EVA1C: variants seen among roughly 807,000 people sequenced by gnomAD.
The protein encoded by EVA1C is eva-1 homolog C.
In EVA1C, 25 loss-of-function variants were observed where a neutral mutation model predicts 45.4. That is an observed-to-expected ratio of 0.55 (90% CI 0.40 to 0.77). The LOEUF (loss-of-function observed/expected upper bound fraction) is 0.77. Ranked by LOEUF, EVA1C falls within the 30% of genes least tolerant of loss-of-function variation. The pLI, the probability that EVA1C is intolerant of heterozygous loss-of-function variation, is 0.00. For missense variants in EVA1C, 479 were observed against 554.8 expected, an observed-to-expected ratio of 0.86 and a Z score of 1.37; for synonymous variants, 190 against 221.2, an observed-to-expected ratio of 0.86 and a Z score of 1.25.
At chr21:32,424,220 G>T (rs2034402303) in intron 1 of EVA1C, among the ~76,000 whole-genome samples, 6 of 152,150 alleles carry the variant, frequency 3.9e-5, no homozygotes, top group Admixed American at 3.9e-4. Flanking sequence ...TGACTTAGAA[G>T]ATTTTTCACT....
upstream of EVA1C, chr21:32,412,137 G>C (rs2033843761): frequency 6.6e-6 from 1 of 152,264 alleles, no homozygotes; most frequent in African/African-American, 2.4e-5. Context: ...TCCTGGCTGC[G>C]AGAGCTTGGG....
intron 7 of EVA1C, among the ~76,000 whole-genome samples, chr21:32,507,213 A>G (rs1391379126): frequency 6.6e-6 from 1 of 152,218 alleles, no homozygotes; most frequent in Non-Finnish European, 1.5e-5. Flanking sequence ...CAACATTGAA[A>G]AAGCTTCTTA....
At position 32,422,643 on chromosome 21, in the gene EVA1C, G is replaced by A. The variant is rs375933068; in HGVS notation, c.160+9630G>A. On this transcript the variant is annotated intron_variant, in intron 1 of 7. Transcript: ENST00000300255. ...AAAAACAGTGGGAGCCATAGACAGC[G>A]AAATAATATTTTCCAGGTTCTGAGA... is the stretch of plus-strand genomic sequence containing the variant. Among the ~76,000 whole-genome samples, 27 of 152,188 alleles carry A rather than the reference G, an allele frequency of 1.8e-4. 1 individual carries two copies. Among genetic ancestry groups the A allele is most frequent in the African/African-American group, 5.8e-4 (24 of 41,522 alleles).
chr21:32,497,141 C>T, intron 5 of EVA1C: 1 of 812,178 alleles, frequency 1.2e-6, no homozygotes, highest in Non-Finnish European at 2.2e-6. Flanking sequence ...TGAAATCAAA[C>T]AGGAAGTGGG....
chr21:32,471,400 C>G (rs1206267652), intron 4 of EVA1C, among the ~76,000 whole-genome samples: 1 of 150,820 alleles, frequency 6.6e-6, no homozygotes, highest in Non-Finnish European at 1.5e-5. Flanking sequence ...GATCTCGGCT[C>G]ACTGCAACCT....
intron 5 of EVA1C, among the ~76,000 whole-genome samples, chr21:32,500,396 C>T (rs2037490646): frequency 1.3e-5 from 2 of 151,908 alleles, no homozygotes; most frequent in African/African-American, 4.8e-5. Context: ...AGTGATCCAC[C>T]TGCCTCAGCC....
rs576922539 is a variant in EVA1C at position 32,502,511 on chromosome 21, T to A, written c.859+1016T>A. On this transcript the variant is annotated intron_variant, in intron 6 of 7. Coordinates refer to ENST00000300255, the MANE Select transcript of EVA1C (RefSeq NM_058187.5). ...TAGAATGGAATTCAAACCCATGGGGTCCCTAATAGAAACTGCAGAGACCCC... is the reference window on the plus strand; with the variant it reads ...TAGAATGGAATTCAAACCCATGGGGACCCTAATAGAAACTGCAGAGACCCC... Among the ~76,000 whole-genome samples, 3 of 152,112 alleles carry A rather than the reference T, an allele frequency of 2.0e-5. No individual in the cohort carries two copies. The South Asian group carries it at 6.2e-4, about 32-fold the overall frequency.
intron 4 of EVA1C, among the ~76,000 whole-genome samples, chr21:32,492,930 A>G (rs1601412134): frequency 6.7e-6 from 1 of 150,198 alleles, no homozygotes; most frequent in Non-Finnish European, 1.5e-5. Flanking sequence ...AGGTTACTGA[A>G]CCTCTCTGTG....
At chr21:32,445,138 G>T (rs1218378848) in intron 1 of EVA1C, among the ~76,000 whole-genome samples, 1 of 152,134 alleles carries the variant, frequency 6.6e-6, no homozygotes, top group South Asian at 2.1e-4. Context: ...GATATTGGGG[G>T]AATATACAAT....
chr21:32,436,531 A>C (rs1334641065), intron 1 of EVA1C, among the ~76,000 whole-genome samples: 2 of 152,294 alleles, frequency 1.3e-5, no homozygotes, highest in Admixed American at 1.3e-4. Context: ...TACTACAGGG[A>C]ATCAGATGAG....
rs879795683 is a variant in EVA1C at position 32,420,022 on chromosome 21, C to T, written c.160+7009C>T. ...GTGTCTTCTGAGTTTCCCCTTGCCC[C>T]TTGGGGTATCTCGTTCTGCCACCCC... On this transcript the variant is annotated intron_variant, in intron 1 of 7. Transcript: ENST00000300255. Among the ~76,000 whole-genome samples the T allele has an allele frequency of 3.3e-5, 5 of 152,296 alleles. No individual in the cohort carries two copies. The South Asian group carries it at 1.0e-3, about 32-fold the overall frequency.
intron 1 of EVA1C, among the ~76,000 whole-genome samples, chr21:32,420,747 G>T (rs1191793581): frequency 6.6e-6 from 1 of 152,196 alleles, no homozygotes; most frequent in Non-Finnish European, 1.5e-5. Context: ...ACTGTTCAAA[G>T]AACTTCATGT....
intron 7 of EVA1C, among the ~76,000 whole-genome samples, chr21:32,510,824 C>T (rs958522042): frequency 5.9e-5 from 9 of 152,006 alleles, no homozygotes; most frequent in African/African-American, 2.2e-4. Context: ...CACTTTCAGC[C>T]AGGAGTTTAA....
At chr21:32,457,086 G>A (rs966044671) in intron 2 of EVA1C, among the ~76,000 whole-genome samples, 1 of 152,164 alleles carries the variant, frequency 6.6e-6, no homozygotes, top group Non-Finnish European at 1.5e-5. Flanking sequence ...TGGATGGTTC[G>A]TAAGCTGGAA....
intron 7 of EVA1C, among the ~76,000 whole-genome samples, chr21:32,514,160 G>A (rs1311276745): frequency 6.6e-6 from 1 of 152,160 alleles, no homozygotes; most frequent in Admixed American, 6.5e-5. Flanking sequence ...TGGTAGCCTG[G>A]GAGTGTGGGG....
chr21:32,507,664 G>T (rs1306127336), intron 7 of EVA1C, among the ~76,000 whole-genome samples: 1 of 151,950 alleles, frequency 6.6e-6, no homozygotes, highest in Non-Finnish European at 1.5e-5. Context: ...GCCTGTGTGT[G>T]CATGCATGTG....
intron 1 of EVA1C, among the ~76,000 whole-genome samples, chr21:32,433,912 A>G (rs2034816709): frequency 6.6e-6 from 1 of 152,256 alleles, no homozygotes; most frequent in African/African-American, 2.4e-5. Context: ...CAATCCTAGC[A>G]CTTTGGGAGG....
intron 4 of EVA1C, among the ~76,000 whole-genome samples, chr21:32,476,023 A>C (rs2036550021): frequency 6.6e-6 from 1 of 152,202 alleles, no homozygotes; most frequent in East Asian, 1.9e-4. Context: ...GGTATAAAAT[A>C]GTCCTTCGAT....
rs566344585 is a variant in EVA1C, at chr21:32,507,721, T to C, written c.949+3706T>C. Among the ~76,000 whole-genome samples the C allele has an allele frequency of 2.6e-5, 4 of 151,596 alleles. No homozygotes were observed. In the East Asian group the frequency reaches 7.8e-4, roughly 30 times the overall value. On this transcript the variant is annotated intron_variant, in intron 7 of 7. Transcript: ENST00000300255. ...GCGTATGTGCACGTGTGTGTGCATGTGTGTGCATACGTGTATCTGCATGTG... is the reference window on the plus strand; with the variant it reads ...GCGTATGTGCACGTGTGTGTGCATGCGTGTGCATACGTGTATCTGCATGTG...
Sources: allele counts gnomAD v4.1 joint callset (sites outside exome capture counted in the v4.1 genomes callset), GRCh38; gene constraint gnomAD v4.1.1; transcripts MANE v1.5; gene names NCBI Gene and HGNC (gene_info 2026-07-23, HGNC 2026-07-21).